Variants in CLVS2 observed in about 807,000 individuals in gnomAD.
The protein encoded by CLVS2 is clavesin-2.
Under a neutral mutation model 29.0 loss-of-function variants are expected in CLVS2, and 19 were observed. That is an observed-to-expected ratio of 0.66 (90% CI 0.46 to 0.96). CLVS2 has a LOEUF of 0.96. Ranked by LOEUF, CLVS2 falls within the 40% of genes least tolerant of loss-of-function variation. The pLI is 0.00. For missense variants in CLVS2, 294 were observed against 404.1 expected, an observed-to-expected ratio of 0.73 and a Z score of 2.34; for synonymous variants, 161 against 151.3, an observed-to-expected ratio of 1.06 and a Z score of -0.47.
intron 2 of CLVS2, among the ~76,000 whole-genome samples, chr6:123,005,292 A>G (rs1774651177): frequency 6.6e-6 from 1 of 152,182 alleles, no homozygotes; most frequent in Non-Finnish European, 1.5e-5. Flanking sequence ...AGAAGGCTTC[A>G]TCAGCTTTAC....
At chr6:123,046,184 A>G (rs1772506743) in intron 3 of CLVS2, among the ~76,000 whole-genome samples, 1 of 152,156 alleles carries the variant, frequency 6.6e-6, no homozygotes, top group Non-Finnish European at 1.5e-5. Flanking sequence ...AAAGTCAGAG[A>G]TTTCCCTGCT....
At chr6:123,051,842 A>G (rs187402082) in intron 4 of CLVS2, among the ~76,000 whole-genome samples, 3 of 152,326 alleles carry the variant, frequency 2.0e-5, no homozygotes, top group African/African-American at 7.2e-5. Context: ...GAAATGGAGG[A>G]AGGAAAAACA....
Position 122,997,701 on chromosome 6 carries a change from G to C in CLVS2, c.-77G>C. On this transcript the variant is annotated 5_prime_UTR_variant, in exon 2 of 6. Transcript: ENST00000275162. Reference sequence around the variant, plus strand: ...GCAGGAGGTCTGGGGGCTGGAGTCTGGTGGTGGCAAGGACCAGGTTTGCTT... The same window carrying C: ...GCAGGAGGTCTGGGGGCTGGAGTCTCGTGGTGGCAAGGACCAGGTTTGCTT... The C allele has an allele frequency of 1.4e-6, 2 of 1,449,874 alleles. No individual in the cohort carries two copies. The allele number at this position is 1,449,874 out of a possible 1,614,324, so 89.8% of individuals were successfully genotyped here. A position where few individuals can be genotyped will look rare whatever the true frequency, so the allele number is the denominator to read the frequency against.
chr6:123,042,076 CT>C (rs1198144064), intron 3 of CLVS2, among the ~76,000 whole-genome samples: 2 of 152,174 alleles, frequency 1.3e-5, no homozygotes, highest in East Asian at 3.9e-4. Context: ...TCTTAAAACA[CT>C]TATTAAAATT....
intron 3 of CLVS2, among the ~76,000 whole-genome samples, chr6:123,016,274 A>C (rs960992644): frequency 2.1e-5 from 3 of 143,952 alleles, no homozygotes; most frequent in Non-Finnish European, 3.0e-5. Flanking sequence ...ACTAAAACAC[A>C]AACTGTTTAG....
At chr6:123,033,065 A>G (rs536626312) in intron 3 of CLVS2, among the ~76,000 whole-genome samples, 24 of 151,934 alleles carry the variant, frequency 1.6e-4, no homozygotes, top group Non-Finnish European at 2.9e-4. Flanking sequence ...TGTATGGTTT[A>G]TCATTTTCAT....
intron 5 of CLVS2, among the ~76,000 whole-genome samples, chr6:123,056,374 C>G (rs945121461): frequency 2.6e-5 from 4 of 152,240 alleles, no homozygotes; most frequent in East Asian, 1.9e-4. Flanking sequence ...TCCACCCCCC[C>G]AAACCATCCT....
chr6:123,011,209 C>T (rs1487318931), intron 3 of CLVS2, 50 bp downstream of exon 3: 1 of 1,328,346 alleles, frequency 7.5e-7, no homozygotes, highest in African/African-American at 1.5e-5. Context: ...TTTGACTTCT[C>T]TTGTCTAATG....
intron 5 of CLVS2, among the ~76,000 whole-genome samples, chr6:123,056,649 C>T (rs1772697515): frequency 6.6e-6 from 1 of 152,138 alleles, no homozygotes; most frequent in Non-Finnish European, 1.5e-5. Flanking sequence ...TCCTGAGAAA[C>T]CAAAGGTTTT....
intron 3 of CLVS2, among the ~76,000 whole-genome samples, chr6:123,026,098 T>G (rs1774997182): frequency 6.6e-6 from 1 of 152,118 alleles, no homozygotes; most frequent in Admixed American, 6.6e-5. Flanking sequence ...TCTTTCCATG[T>G]TAAGAGTAAT....
chr6:123,023,931 T>C (rs62422417), intron 3 of CLVS2, among the ~76,000 whole-genome samples: 5 of 152,160 alleles, frequency 3.3e-5, no homozygotes, highest in South Asian at 2.1e-4. Flanking sequence ...ATTGGCATGG[T>C]ACCCAGTCCT....
intron 3 of CLVS2, among the ~76,000 whole-genome samples, chr6:123,015,078 G>T (rs1019452121): frequency 6.6e-6 from 1 of 152,050 alleles, no homozygotes; most frequent in Non-Finnish European, 1.5e-5. Flanking sequence ...ACTGATCAGA[G>T]CAACATTGGG....
In CLVS2 at chr6:123,072,451, G is replaced by A. The variant is rs929618531; in HGVS notation, c.*8690G>A. The A allele has an allele frequency of 2.6e-5, 4 of 152,000 alleles. No homozygotes were observed. Among genetic ancestry groups the A allele is most frequent in the Admixed American group, 6.6e-5 (1 of 15,230 alleles). 9.4% of individuals were successfully genotyped at this position (152,000 alleles called of 1,614,324 possible). A position where few individuals can be genotyped will look rare whatever the true frequency, so the allele number is the denominator to read the frequency against. On this transcript the variant is annotated 3_prime_UTR_variant, in exon 6 of 6. Transcript: ENST00000275162. ...GATAGGTAATCAGGGTTAACAGTTCGGAAAACATTCTCTAGAGAAGAGACT... is the reference window on the plus strand; with the variant it reads ...GATAGGTAATCAGGGTTAACAGTTCAGAAAACATTCTCTAGAGAAGAGACT...
intron 3 of CLVS2, among the ~76,000 whole-genome samples, chr6:123,016,698 A>G (rs2114315049): frequency 6.6e-6 from 1 of 152,216 alleles, no homozygotes; most frequent in African/African-American, 2.4e-5. Flanking sequence ...CCATCACAAA[A>G]TGCCTAAAAT....
At chr6:122,999,311 T>C (rs11154132) in intron 2 of CLVS2, among the ~76,000 whole-genome samples, 38,424 of 152,082 alleles carry the variant, frequency 0.25, 5,224 homozygotes, top group Non-Finnish European at 0.31. Flanking sequence ...TCTTAGAATG[T>C]AAATTAATAT....
chr6:123,048,289 A>C (rs1772546016), intron 3 of CLVS2, among the ~76,000 whole-genome samples: 3 of 151,998 alleles, frequency 2.0e-5, no homozygotes, highest in Admixed American at 6.6e-5. Context: ...TAGATTCATT[A>C]TTTGACAAAT....
chr6:123,028,839 T>G (rs1159526489), intron 3 of CLVS2, among the ~76,000 whole-genome samples: 1 of 152,202 alleles, frequency 6.6e-6, no homozygotes, highest in African/African-American at 2.4e-5. Flanking sequence ...ATTCACCTTC[T>G]AAACTCGCAA....
Position 122,997,550 on chromosome 6 carries a change from T to C in CLVS2, c.-228T>C, listed in dbSNP as rs1774526391. ...GGAGCCAAAGTAGGGTGTTGTATTTTAGGGGGCAGAGGAAGAAGTTTACAC... is the reference window on the plus strand; with the variant it reads ...GGAGCCAAAGTAGGGTGTTGTATTTCAGGGGGCAGAGGAAGAAGTTTACAC... On this transcript the variant is annotated 5_prime_UTR_variant, in exon 2 of 6. Transcript: ENST00000275162. The C allele has an allele frequency of 1.7e-6, 1 of 585,376 alleles. No individual in the cohort carries two copies. The highest frequency in any genetic ancestry group is 3.1e-6 in the Non-Finnish European group (1 of 323,000). The allele number at this position is 585,376 out of a possible 1,614,324, so 36.3% of individuals were successfully genotyped here.
intron 2 of CLVS2, among the ~76,000 whole-genome samples, chr6:123,004,493 C>G (rs185695500): frequency 3.9e-4 from 60 of 152,318 alleles, no homozygotes; most frequent in African/African-American, 1.4e-3. Context: ...ATTTCTTATT[C>G]TGAGTCCTAA....
Sources: allele counts gnomAD v4.1 joint callset (sites outside exome capture counted in the v4.1 genomes callset), GRCh38; gene constraint gnomAD v4.1.1; transcripts MANE v1.5; gene names NCBI Gene and HGNC (gene_info 2026-07-23, HGNC 2026-07-21).